USP34: variants seen among roughly 807,000 people sequenced by gnomAD.
USP34 encodes ubiquitin specific peptidase 34, also known as ubiquitin carboxyl-terminal hydrolase 34.
In USP34, 70 loss-of-function variants were observed where a neutral mutation model predicts 460.3. That is an observed-to-expected ratio of 0.15 (90% confidence interval 0.13 to 0.19). The LOEUF (loss-of-function observed/expected upper bound fraction) is 0.19. Among genes scored for constraint, USP34 ranks in the 10% least tolerant of loss-of-function variants. USP34 has a pLI of 1.00. For missense variants in USP34, 3,985 were observed against 4,236.2 expected (o/e 0.94, Z 1.65); for synonymous variants, 1,647 against 1,405.3 (o/e 1.17, Z -3.85).
chr2:61,308,496 C>T (rs1420961684), intron 27 of USP34, among the ~76,000 whole-genome samples: 1 of 151,812 alleles, frequency 6.6e-6, no homozygotes, highest in East Asian at 1.9e-4. Flanking sequence ...GTCTTACAGG[C>T]AAAACATCTA....
At chr2:61,219,812 G>C (rs956295008) in intron 67 of USP34, among the ~76,000 whole-genome samples, 8 of 151,312 alleles carry the variant, frequency 5.3e-5, no homozygotes, top group Admixed American at 3.9e-4. Context: ...TCATTTTTTT[G>C]AACTATCAAA....
intron 41 of USP34, among the ~76,000 whole-genome samples, chr2:61,268,775 GAATT>G (rs1215517149): frequency 6.6e-6 from 1 of 152,086 alleles, no homozygotes; most frequent in African/African-American, 2.4e-5. Flanking sequence ...TAGGAAGAGA[GAATT>G]AATGAACACT....
At chr2:61,341,543 C>A (rs1364854270) in intron 16 of USP34, among the ~76,000 whole-genome samples, 2 of 152,022 alleles carry the variant, frequency 1.3e-5, no homozygotes, top group Non-Finnish European at 2.9e-5. Context: ...CAGATAAGAT[C>A]TGGTTGTTTA....
In USP34 at chr2:61,245,436, C is replaced by T. The variant is rs1465709260; in HGVS notation, c.6549-148G>A. ...TTCTTATTTTTACAATTCTAATCTA[C>T]TAGAAATTGGAAATATAATTTTATA... On this transcript the variant is annotated intron_variant, in intron 50 of 79. Coordinates refer to ENST00000398571, the MANE Select transcript of USP34 (RefSeq NM_014709.4). 3 of 451,270 alleles carry T rather than the reference C, an allele frequency of 6.6e-6. No homozygotes were observed. The East Asian group carries it at 1.0e-4, about 15-fold the overall frequency. The allele number at this position is 451,270 out of a possible 1,614,324, so 28.0% of individuals were successfully genotyped here.
In USP34 at chr2:61,311,534, G is replaced by A; in HGVS notation, c.3817+6C>T. The A allele has an allele frequency of 1.3e-6, 2 of 1,568,486 alleles. No homozygotes were observed. Among genetic ancestry groups the A allele is most frequent in the East Asian group, 2.3e-5 (1 of 43,846 alleles). ...AGAAAGAGAAAATTTGAATTGAAAGGCTTACCAGGAAACTCTCCTTTTCGG... is the reference window on the plus strand; with the variant it reads ...AGAAAGAGAAAATTTGAATTGAAAGACTTACCAGGAAACTCTCCTTTTCGG... On this transcript the variant is annotated splice_donor_region_variant and intron_variant, in intron 27 of 79. Transcript: ENST00000398571.
chr2:61,292,585 C>T (rs1490237944), intron 33 of USP34, among the ~76,000 whole-genome samples: 2 of 151,792 alleles, frequency 1.3e-5, no homozygotes, highest in African/African-American at 4.8e-5. Context: ...GATGAGCTAA[C>T]AAATTTAGAC....
intron 3 of USP34, among the ~76,000 whole-genome samples, chr2:61,401,149 C>CAA (rs60805364): frequency 0.17 from 17,827 of 104,414 alleles, 1,674 homozygotes; most frequent in South Asian, 0.37. Context: ...GACTCTGTCT[C>CAA]AAAAAAAAAA....
At chr2:61,322,468 C>A (rs973120683) in intron 21 of USP34, among the ~76,000 whole-genome samples, 1 of 152,000 alleles carries the variant, frequency 6.6e-6, no homozygotes, top group Non-Finnish European at 1.5e-5. Context: ...ATCACAAGTA[C>A]GAGTATGAAA....
In USP34 at chr2:61,248,543, T is replaced by G; in HGVS notation, c.6362A>C (p.Asp2121Ala). 6.4e-7 allele frequency: 1 copy of G among 1,572,128 alleles called. No homozygotes were observed. Among genetic ancestry groups the G allele is most frequent in the East Asian group, 2.3e-5 (1 of 44,050 alleles). ...LRLDMTPYTE[D>A]FLMGKSERKE... The stretch of plus-strand genomic sequence containing the variant: ...CCTCTCACTCTTTCCCATAAGAAAA[T>G]CTTCTGTATAGGGCGTCATGTCCAA... The change falls in exon 49 of 80, where the codon GAT (aspartate) becomes GCT (alanine). Residue 2121 changes from aspartate to alanine, a missense_variant. Physicochemically the swap from Asp to Ala is moderately radical, Grantham distance 126 (BLOSUM62 -2). Transcript: ENST00000398571.
chr2:61,470,632 G>A lies in USP34; in HGVS notation c.43+18C>T. 4.4e-6 allele frequency: 7 copies of A among 1,580,462 alleles called. No homozygotes were observed. The highest frequency in any genetic ancestry group is 6.0e-6 in the Non-Finnish European group (7 of 1,158,222). The stretch of plus-strand genomic sequence containing the variant: ...CCCAAACCGTGCACCCCGACAGGCC[G>A]CTACCGCGGCTACTTACTTTCATTT... On this transcript the variant is annotated intron_variant, in intron 1 of 79. Transcript: ENST00000398571.
intron 29 of USP34, among the ~76,000 whole-genome samples, chr2:61,297,520 G>A (rs776161865): frequency 1.2e-4 from 18 of 152,110 alleles, no homozygotes; most frequent in South Asian, 2.1e-4. Context: ...TAGGAAATAG[G>A]CAATTAAACA....
chr2:61,398,925 G>A (rs368854196), intron 3 of USP34, among the ~76,000 whole-genome samples: 6 of 152,124 alleles, frequency 3.9e-5, no homozygotes, highest in Non-Finnish European at 8.8e-5. Context: ...TAATCTCAAC[G>A]AACTTTTTCA....
At chr2:61,393,104 TATC>T (rs1488821881) in intron 5 of USP34, among the ~76,000 whole-genome samples, 2 of 152,170 alleles carry the variant, frequency 1.3e-5, no homozygotes, top group Non-Finnish European at 2.9e-5. Flanking sequence ...AGTAGATGGA[TATC>T]ATCATCATTC....
At chr2:61,339,184 T>C (rs1024669565) in intron 18 of USP34, among the ~76,000 whole-genome samples, 167 bp downstream of exon 18, 3 of 152,146 alleles carry the variant, frequency 2.0e-5, no homozygotes, top group Non-Finnish European at 2.9e-5. Flanking sequence ...ATATGAACCA[T>C]GTTAAGAAGA....
intron 2 of USP34, among the ~76,000 whole-genome samples, chr2:61,420,333 T>G (rs925221101): frequency 7.2e-5 from 11 of 152,214 alleles, no homozygotes. Context: ...ATATGTATTA[T>G]TTAGAAATTG....
chr2:61,194,390 T>C (rs1686733831), intron 75 of USP34, among the ~76,000 whole-genome samples: 1 of 152,236 alleles, frequency 6.6e-6, no homozygotes, highest in Non-Finnish European at 1.5e-5. Flanking sequence ...CGTTCCCATG[T>C]TCCTGTATCC....
intron 27 of USP34, among the ~76,000 whole-genome samples, chr2:61,301,734 T>C (rs975396559): frequency 6.6e-6 from 1 of 152,184 alleles, no homozygotes; most frequent in Admixed American, 6.5e-5. Flanking sequence ...AACAAGTATA[T>C]TACCAACTCA....
At chr2:61,466,680 G>A (rs1463272990) in intron 1 of USP34, among the ~76,000 whole-genome samples, 1 of 152,120 alleles carries the variant, frequency 6.6e-6, no homozygotes, top group Non-Finnish European at 1.5e-5. Context: ...GGGAGGTACA[G>A]GCAGGCAGAT....
chr2:61,192,776 G>A (rs1031165954), intron 76 of USP34, 125 bp downstream of exon 76: 6 of 651,812 alleles, frequency 9.2e-6, no homozygotes, highest in Middle Eastern at 2.5e-4. Flanking sequence ...TCATTCATAT[G>A]TTACCTATCA....
Sources: allele counts gnomAD v4.1 joint callset (sites outside exome capture counted in the v4.1 genomes callset), GRCh38; gene constraint gnomAD v4.1.1; transcripts MANE v1.5; gene names NCBI Gene and HGNC (gene_info 2026-07-23, HGNC 2026-07-21).